Variants in ETF1 observed in about 807,000 individuals in gnomAD.
ETF1 encodes eukaryotic translation termination factor 1.
ETF1 carries 4 observed loss-of-function variants against 55.1 expected under a neutral mutation model. The observed-to-expected ratio is 0.07, with a 90% CI of 0.04 to 0.17. The LOEUF is 0.17. Among genes scored for constraint, ETF1 ranks in the 10% least tolerant of loss-of-function variants. ETF1 has a pLI of 1.00. For synonymous variants in ETF1, 157 were observed against 182.3 expected, an observed-to-expected ratio of 0.86 and a Z score of 1.12; for missense variants, 142 against 523.6, an observed-to-expected ratio of 0.27 and a Z score of 7.11.
At chr5:138,527,690 T>C (rs770018912) in intron 2 of ETF1, among the ~76,000 whole-genome samples, 5 of 152,174 alleles carry the variant, frequency 3.3e-5, no homozygotes, top group East Asian at 1.9e-4. Context: ...GGGAAAACAC[T>C]TGAGTACCAA....
intron 2 of ETF1, among the ~76,000 whole-genome samples, chr5:138,525,957 A>AG (rs1554138964): frequency 1.3e-5 from 2 of 151,538 alleles, no homozygotes; most frequent in African/African-American, 2.4e-5. Context: ...AAAAAAAAAA[A>AG]AAAAGAAATG....
intron 4 of ETF1, chr5:138,514,023 C>G (rs184765390): frequency 3.5e-6 from 2 of 577,986 alleles, no homozygotes; most frequent in African/African-American, 2.0e-5. Flanking sequence ...GCAGTTAATA[C>G]TACTCAATCT....
chr5:138,516,964 C>G lies in ETF1; in HGVS notation c.402+597G>C, dbSNP rs182409849. On this transcript the variant is annotated intron_variant, in intron 4 of 10. Transcript: ENST00000360541. ...CATATAGGTATACAATGGAATACTA[C>G]TTGGTAATCAAAAGGGATGAAATGT... is the stretch of plus-strand genomic sequence containing the variant. 3.9e-5 allele frequency among the ~76,000 whole-genome samples: 6 copies of G among 152,228 alleles called. No individual in the cohort carries two copies. In the East Asian group the frequency reaches 1.2e-3, roughly 29 times the overall value.
In ETF1 at chr5:138,508,045, C is replaced by G; in HGVS notation, c.*260G>C. The G allele has an allele frequency of 2.7e-6, 1 of 377,314 alleles. No individual in the cohort carries two copies. Among genetic ancestry groups the G allele is most frequent in the Non-Finnish European group, 4.7e-6 (1 of 212,158 alleles). 23.4% of individuals were successfully genotyped at this position (377,314 alleles called of 1,614,324 possible). Reference sequence around the variant, plus strand: ...TTTCACCATCCAGTAAAAGTAAAAACTGGGATTCTTTTTTAAATTAGTCCA... The same window carrying G: ...TTTCACCATCCAGTAAAAGTAAAAAGTGGGATTCTTTTTTAAATTAGTCCA... On this transcript the variant is annotated 3_prime_UTR_variant, in exon 11 of 11. Coordinates refer to ENST00000360541, the MANE Select transcript of ETF1 (RefSeq NM_004730.4).
At chr5:138,512,599 A>G in intron 6 of ETF1, 165 bp downstream of exon 6, 2 of 546,032 alleles carry the variant, frequency 3.7e-6, no homozygotes, top group Non-Finnish European at 6.1e-6. Flanking sequence ...AGAAAAGCAC[A>G]GGGGAATGTT....
chr5:138,538,237 TG>T (rs1253339429), intron 2 of ETF1, among the ~76,000 whole-genome samples: 109 of 150,326 alleles, frequency 7.3e-4, no homozygotes, highest in African/African-American at 1.2e-3. Context: ...TTGCCCAGGC[TG>T]GAGTGCAGTG....
chr5:138,515,313 T>C (rs929823862), intron 4 of ETF1, among the ~76,000 whole-genome samples: 8 of 152,170 alleles, frequency 5.3e-5, no homozygotes, highest in African/African-American at 1.9e-4. Flanking sequence ...TAATCCCAGC[T>C]ACTCAGGAGG....
At chr5:138,512,260 T>TTATTTTATATATATATATA (rs1764848935) in intron 6 of ETF1, among the ~76,000 whole-genome samples, 1 of 15,418 alleles carries the variant, frequency 6.5e-5, no homozygotes, top group African/African-American at 2.9e-4. Flanking sequence ...ATATATATAT[T>TTATTTTATATATATATATA]TTTTTTTTTT....
At chr5:138,536,184 C>T (rs1335037428) in intron 2 of ETF1, among the ~76,000 whole-genome samples, 2 of 152,146 alleles carry the variant, frequency 1.3e-5, no homozygotes, top group Non-Finnish European at 2.9e-5. Flanking sequence ...TATAAGGTCA[C>T]AGACACAGCA....
chr5:138,507,646 G>A lies in ETF1; in HGVS notation c.*659C>T, dbSNP rs1764606118. The stretch of plus-strand genomic sequence containing the variant: ...GTGCACTGGCCCAAATGCTTCATGA[G>A]TCAGTTTGATTTTGCAATGCAATTT... On this transcript the variant is annotated 3_prime_UTR_variant, in exon 11 of 11. Transcript: ENST00000360541. 6.5e-6 allele frequency: 1 copy of A among 152,794 alleles called. No individual in the cohort carries two copies. Among genetic ancestry groups the A allele is most frequent in the South Asian group, 2.1e-4 (1 of 4,836 alleles). 9.5% of individuals were successfully genotyped at this position (152,794 alleles called of 1,614,324 possible).
At chr5:138,511,289 T>TA (rs1764765132) in intron 7 of ETF1, 89 bp from the exon 8 acceptor site, 1 of 1,548,520 alleles carries the variant, frequency 6.5e-7, no homozygotes, top group Non-Finnish European at 8.7e-7. Context: ...CTAAAGAAGA[T>TA]AAAAAATAAT....
At chr5:138,543,067 G>C in intron 1 of ETF1, 30 bp downstream of exon 1, 1 of 769,150 alleles carries the variant, frequency 1.3e-6, no homozygotes, top group Non-Finnish European at 2.1e-6. Flanking sequence ...CGCCACAAAG[G>C]TCACCGGCCT....
At chr5:138,516,106 C>T (rs75492622) in intron 4 of ETF1, among the ~76,000 whole-genome samples, 1,542 of 152,246 alleles carry the variant, frequency 0.01, 31 homozygotes, top group African/African-American at 0.034. Flanking sequence ...CAAGTTCATC[C>T]TATGGCAGCT....
intron 2 of ETF1, among the ~76,000 whole-genome samples, chr5:138,525,534 T>C (rs1281764608): frequency 6.6e-6 from 1 of 152,156 alleles, no homozygotes; most frequent in East Asian, 1.9e-4. Flanking sequence ...AAATCCCAAA[T>C]CTGCCCTGAC....
At chr5:138,533,633 C>G (rs1283000573) in intron 2 of ETF1, among the ~76,000 whole-genome samples, 1 of 152,122 alleles carries the variant, frequency 6.6e-6, no homozygotes, top group Non-Finnish European at 1.5e-5. Flanking sequence ...TTGCGGTGAG[C>G]CAAGATCGCA....
intron 7 of ETF1, 58 bp downstream of exon 7, chr5:138,511,417 C>G: frequency 4.4e-6 from 7 of 1,574,820 alleles, no homozygotes; most frequent in Non-Finnish European, 5.1e-6. Flanking sequence ...CACACACACA[C>G]ACACACACAC....
At chr5:138,526,537 G>A (rs1046198965) in intron 2 of ETF1, among the ~76,000 whole-genome samples, 6 of 151,880 alleles carry the variant, frequency 4.0e-5, no homozygotes, top group African/African-American at 9.7e-5. Context: ...TTTTCTTCCC[G>A]CCTACCCCCT....
At chr5:138,508,582 C>G in intron 10 of ETF1, 87 bp downstream of exon 10, 4 of 1,573,300 alleles carry the variant, frequency 2.5e-6, no homozygotes, top group Non-Finnish European at 3.4e-6. Context: ...TAATAAGCAC[C>G]TCACCGGAAG....
At chr5:138,533,464 G>A (rs1441721742) in intron 2 of ETF1, among the ~76,000 whole-genome samples, 1 of 152,028 alleles carries the variant, frequency 6.6e-6, no homozygotes, top group Non-Finnish European at 1.5e-5. Flanking sequence ...GAGGCAGGCG[G>A]ATCACGAGGT....
Sources: allele counts gnomAD v4.1 joint callset (sites outside exome capture counted in the v4.1 genomes callset), GRCh38; gene constraint gnomAD v4.1.1; transcripts MANE v1.5; gene names NCBI Gene and HGNC (gene_info 2026-07-23, HGNC 2026-07-21).